The following KCNMA1 variants were observed in gnomAD, a reference collection of about 807,000 sequenced individuals.
The protein encoded by KCNMA1 is potassium calcium-activated channel subfamily M alpha 1.
In KCNMA1, 29 loss-of-function variants were observed where a neutral mutation model predicts 140.0. The observed-to-expected ratio is 0.21, with a 90% CI of 0.15 to 0.28. The LOEUF is 0.28. KCNMA1 is among the 10% of genes least tolerant of loss of function. The pLI, the probability that KCNMA1 is intolerant of heterozygous loss-of-function variation, is 1.00. For synonymous variants in KCNMA1, 612 were observed against 611.9 expected, an observed-to-expected ratio of 1.00 and a Z score of 0.00; for missense variants, 880 against 1,602.2, an observed-to-expected ratio of 0.55 and a Z score of 7.70.
At chr10:77,309,046 G>A (rs915657064) in intron 2 of KCNMA1, among the ~76,000 whole-genome samples, 4 of 152,098 alleles carry the variant, frequency 2.6e-5, no homozygotes, top group African/African-American at 9.7e-5. Flanking sequence ...AAAGGAGCCC[G>A]GCCATCTCAA....
chr10:77,362,625 C>A (rs1401252496), intron 2 of KCNMA1, among the ~76,000 whole-genome samples: 1 of 152,014 alleles, frequency 6.6e-6, no homozygotes, highest in Non-Finnish European at 1.5e-5. Flanking sequence ...CATGGCCCTG[C>A]CTGACGTCCT....
intron 1 of KCNMA1, among the ~76,000 whole-genome samples, chr10:77,406,904 C>A (rs1043946286): frequency 1.3e-5 from 2 of 152,076 alleles, no homozygotes; most frequent in Non-Finnish European, 2.9e-5. Context: ...TTCCACAGCC[C>A]CTTGGTAGAC....
intron 2 of KCNMA1, among the ~76,000 whole-genome samples, chr10:77,295,676 G>C (rs959688112): frequency 6.7e-6 from 1 of 149,742 alleles, no homozygotes; most frequent in Non-Finnish European, 1.5e-5. Context: ...AGCTACTCGG[G>C]AGGCTGAGGC....
At chr10:77,586,467 T>C (rs1212140003) in intron 1 of KCNMA1, 1 of 152,210 alleles carries the variant, frequency 6.6e-6, no homozygotes, top group Admixed American at 6.5e-5. Context: ...TTCTGTTTCA[T>C]TTCATGAACA....
chr10:76,951,492 G>A (rs147309040), intron 21 of KCNMA1, among the ~76,000 whole-genome samples: 1 of 152,186 alleles, frequency 6.6e-6, no homozygotes, highest in Non-Finnish European at 1.5e-5. Flanking sequence ...TTACCACTTA[G>A]CTTTAAATAC....
Position 76,909,977 on chromosome 10 carries a change from G to A in KCNMA1, c.3136C>T (p.Leu1046Phe). The A allele has an allele frequency of 6.2e-7, 1 of 1,613,842 alleles. No individual in the cohort carries two copies. Among genetic ancestry groups the A allele is most frequent in the Non-Finnish European group, 8.5e-7 (1 of 1,179,940 alleles). The part of the protein sequence containing the change: ...TAFAVSVLDS[L>F]MSATYFNDNI... ...ACAGGATAACTCACCGCGCTCATGAGTGAGTCCAGGACACTGACGGCAAAT... is the reference window on the plus strand; with the variant it reads ...ACAGGATAACTCACCGCGCTCATGAATGAGTCCAGGACACTGACGGCAAAT... The change falls in exon 25 of 28, where the codon CTC becomes TTC. Residue 1046 changes from leucine (L) to phenylalanine (F), a missense_variant. By Grantham distance (22) the Leu-to-Phe change is conservative. Around this residue, in one of 13 missense-constraint regions of KCNMA1, gnomAD observed 18 missense variants for 51.3 expected, o/e 0.35. Coordinates refer to ENST00000286628, the MANE Select transcript of KCNMA1 (RefSeq NM_001161352.2).
At chr10:77,167,776 C>T (rs2098659815) in intron 5 of KCNMA1, among the ~76,000 whole-genome samples, 1 of 151,880 alleles carries the variant, frequency 6.6e-6, no homozygotes, top group Admixed American at 6.6e-5. Flanking sequence ...GCAGCCTCGA[C>T]TTCCTCGAGC....
intron 1 of KCNMA1, among the ~76,000 whole-genome samples, chr10:77,443,998 T>C (rs1458333558): frequency 6.6e-6 from 1 of 152,202 alleles, no homozygotes; most frequent in Non-Finnish European, 1.5e-5. Context: ...TATATGACTA[T>C]ATTAAATATC....
At chr10:77,334,815 AAAGTT>A (rs1413338861) in intron 2 of KCNMA1, among the ~76,000 whole-genome samples, 2 of 152,212 alleles carry the variant, frequency 1.3e-5, no homozygotes, top group Non-Finnish European at 2.9e-5. Context: ...ATAAACAAGT[AAAGTT>A]AATTTTGATA....
chr10:77,027,024 A>ACTTCAGAG (rs1321940256), intron 16 of KCNMA1, among the ~76,000 whole-genome samples: 1 of 152,208 alleles, frequency 6.6e-6, no homozygotes, highest in African/African-American at 2.4e-5. Flanking sequence ...CATTTCAGAG[A>ACTTCAGAG]ACAAAAGCTT....
At chr10:77,365,243 A>G (rs938245197) in intron 2 of KCNMA1, among the ~76,000 whole-genome samples, 3 of 152,160 alleles carry the variant, frequency 2.0e-5, no homozygotes, top group Non-Finnish European at 4.4e-5. Context: ...CTAGGAAACA[A>G]AGCCACCTTG....
intron 2 of KCNMA1, among the ~76,000 whole-genome samples, chr10:77,290,445 G>A (rs552834680): frequency 7.2e-5 from 11 of 152,302 alleles, no homozygotes; most frequent in Admixed American, 7.2e-4. Flanking sequence ...CTGAAGGCCT[G>A]GGGTCCCCAC....
At chr10:77,069,791 T>C (rs1272138562) in intron 14 of KCNMA1, among the ~76,000 whole-genome samples, 1 of 152,148 alleles carries the variant, frequency 6.6e-6, no homozygotes, top group Non-Finnish European at 1.5e-5. Context: ...TTGTAATTCC[T>C]GTATGCCAGT....
intron 1 of KCNMA1, among the ~76,000 whole-genome samples, chr10:77,542,892 C>A (rs1174835742): frequency 6.6e-6 from 1 of 152,208 alleles, no homozygotes; most frequent in African/African-American, 2.4e-5. Flanking sequence ...GAGAAGCAGA[C>A]TGTGAGTGTG....
At chr10:76,974,563 T>C in intron 19 of KCNMA1, 8 of 1,546,470 alleles carry the variant, frequency 5.2e-6, no homozygotes, top group Non-Finnish European at 7.0e-6. Flanking sequence ...GTGATCTAGC[T>C]GCAACCTTGA....
chr10:77,526,862 C>T (rs112294447), intron 1 of KCNMA1, among the ~76,000 whole-genome samples: 5,414 of 152,066 alleles, frequency 0.036, 144 homozygotes, highest in Non-Finnish European at 0.054. Flanking sequence ...ACTTCCCATC[C>T]TCCCTCTCCA....
intron 2 of KCNMA1, among the ~76,000 whole-genome samples, chr10:77,320,394 C>T (rs1374925861): frequency 6.6e-6 from 1 of 152,170 alleles, no homozygotes; most frequent in Non-Finnish European, 1.5e-5. Context: ...AAGGAAGGGG[C>T]TACTCCCCTA....
intron 1 of KCNMA1, among the ~76,000 whole-genome samples, chr10:77,423,419 C>T (rs890677761): frequency 1.3e-5 from 2 of 152,142 alleles, no homozygotes; most frequent in African/African-American, 4.8e-5. Context: ...AGTCAGAGTA[C>T]CCCAGTTTTA....
chr10:77,068,813 G>A (rs114748091), intron 14 of KCNMA1, among the ~76,000 whole-genome samples: 2,523 of 131,088 alleles, frequency 0.019, 79 homozygotes, highest in African/African-American at 0.066. Flanking sequence ...AAGTCCCAAT[G>A]TACATTGAAA....
Sources: gnomAD v4.1 joint callset for allele counts (sites outside exome capture counted in the v4.1 genomes callset) on GRCh38, gnomAD v4.1.1 for gene constraint, gnomAD v4.1.1 regional missense constraint, MANE v1.5 for transcripts, NCBI Gene and HGNC (gene_info 2026-07-23, HGNC 2026-07-21) for gene names.